FAM118A: variants seen among roughly 807,000 people sequenced by gnomAD.
The protein encoded by FAM118A is SIR2 antiphage like 2.
In FAM118A, 25 loss-of-function variants were observed where a neutral mutation model predicts 38.2. The ratio of observed to expected loss-of-function variants is 0.65; its 90% CI spans 0.48 to 0.91. The LOEUF is 0.91. FAM118A is among the 40% of genes least tolerant of loss of function. FAM118A has a pLI of 0.00. For synonymous variants in FAM118A, 178 were observed against 184.1 expected (o/e 0.97, Z 0.27); for missense variants, 425 against 463.3 (o/e 0.92, Z 0.76).
rs527730762 is a variant in FAM118A at position 45,313,477 on chromosome 22, C to G, written c.-10+3294C>G. On this transcript the variant is annotated intron_variant, in intron 1 of 8. Transcript: ENST00000441876. ...AGCTGGGATTACAGGCGCCTGCCAC[C>G]TTGCCCAGCTACTTTTTGTATTTTT... 1.5e-4 allele frequency among the ~76,000 whole-genome samples: 23 copies of G among 152,172 alleles called. 1 individual carries two copies. The East Asian group carries it at 3.7e-3, about 24-fold the overall frequency.
At position 45,310,149 on chromosome 22, in the gene FAM118A, C is replaced by G. The variant is rs2084297279; in HGVS notation, c.-44C>G. 6.6e-6 allele frequency: 1 copy of G among 151,320 alleles called. No homozygotes were observed. The highest frequency in any genetic ancestry group is 1.5e-5 in the Non-Finnish European group (1 of 67,770). 9.4% of individuals were successfully genotyped at this position (151,320 alleles called of 1,614,324 possible). A position where few individuals can be genotyped will look rare whatever the true frequency, so the allele number is the denominator to read the frequency against. On this transcript the variant is annotated 5_prime_UTR_variant, in exon 1 of 9. Coordinates refer to ENST00000441876, the MANE Select transcript of FAM118A (RefSeq NM_017911.4). ...GGCTGCGGAGGCGAAGAGGTGGCAG[C>G]GCGAGCTGGGACCAGCGTCTCGGAG...
At chr22:45,329,933 G>C (rs1201065626) in intron 4 of FAM118A, 3 of 152,232 alleles carry the variant, frequency 2.0e-5, no homozygotes, top group African/African-American at 7.2e-5. Flanking sequence ...ATCTTTGTAA[G>C]GTCCCGTGTT....
chr22:45,312,206 G>T (rs929268436), intron 1 of FAM118A, among the ~76,000 whole-genome samples: 1 of 152,108 alleles, frequency 6.6e-6, no homozygotes, highest in Non-Finnish European at 1.5e-5. Context: ...ACACCAACTG[G>T]GTATCTTCCA....
At chr22:45,339,194 C>T (rs1410983194) in intron 8 of FAM118A, among the ~76,000 whole-genome samples, 1 of 152,110 alleles carries the variant, frequency 6.6e-6, no homozygotes, top group East Asian at 1.9e-4. Context: ...CACCTGAGGC[C>T]AGGTCAGCCT....
At chr22:45,338,906 A>C (rs975418567) in intron 8 of FAM118A, among the ~76,000 whole-genome samples, 1 of 152,274 alleles carries the variant, frequency 6.6e-6, no homozygotes, top group East Asian at 1.9e-4. Flanking sequence ...GTGAGTGCAA[A>C]TTTAGTCAAG....
rs113718742 is a variant in FAM118A at position 45,328,077 on chromosome 22, G to A, written c.522+14G>A. The A allele has an allele frequency of 2.2e-5, 11 of 489,264 alleles. No individual in the cohort carries two copies. Among genetic ancestry groups the A allele is most frequent in the South Asian group, 6.3e-5 (2 of 31,536 alleles). 30.3% of individuals were successfully genotyped at this position (489,264 alleles called of 1,614,324 possible). Reference sequence around the variant, plus strand: ...GACAAGACCAAGGTATGGGCTGGGGGTGCGGGAGGCCTTTGGCCGGCGGCA... The same window carrying A: ...GACAAGACCAAGGTATGGGCTGGGGATGCGGGAGGCCTTTGGCCGGCGGCA... On this transcript the variant is annotated intron_variant, in intron 4 of 8. Transcript: ENST00000441876.
chr22:45,334,371 C>T (rs749909716), intron 6 of FAM118A, among the ~76,000 whole-genome samples: 1 of 152,206 alleles, frequency 6.6e-6, no homozygotes, highest in Non-Finnish European at 1.5e-5. Context: ...ATGTGACCAG[C>T]TGTGAACTTG....
At chr22:45,319,121 T>C (rs1449034832) in intron 1 of FAM118A, among the ~76,000 whole-genome samples, 1 of 152,240 alleles carries the variant, frequency 6.6e-6, no homozygotes, top group East Asian at 1.9e-4. Context: ...CATAATCACT[T>C]ATATGTGGAG....
intron 3 of FAM118A, 144 bp downstream of exon 3, chr22:45,323,571 TC>T: frequency 9.4e-7 from 1 of 1,062,220 alleles, no homozygotes; most frequent in Non-Finnish European, 1.3e-6. Flanking sequence ...AATCCTTGAG[TC>T]CATCGGGGTG....
chr22:45,315,321 A>G (rs971568752), intron 1 of FAM118A, among the ~76,000 whole-genome samples: 4 of 152,192 alleles, frequency 2.6e-5, no homozygotes, highest in Non-Finnish European at 5.9e-5. Flanking sequence ...GGTTAAGTGG[A>G]GTGCGTTCAA....
In FAM118A at chr22:45,332,555, T is replaced by A; in HGVS notation, c.782T>A (p.Met261Lys). The A allele has an allele frequency of 6.2e-7, 1 of 1,614,208 alleles. No homozygotes were observed. The highest frequency in any genetic ancestry group is 8.5e-7 in the Non-Finnish European group (1 of 1,180,052). Residue 261 changes from methionine to lysine, a missense_variant, in exon 6 of 9, where the codon ATG (methionine) becomes AAG (lysine). By Grantham distance (95) the Met-to-Lys change is moderately conservative. Transcript: ENST00000441876. ...AATAAGGTGGATTTGGAGCACTACA[T>A]GCTTGTGCTGAAGGAGAATGAAGAC... ...VPNKVDLEHYMLVLKENEDHF... is the reference protein window; with the variant it reads ...VPNKVDLEHYKLVLKENEDHF...
Position 45,323,169 on chromosome 22 carries a change from A to C in FAM118A, c.48-6A>C. ...TTCATTCTCTTGCTCCCTTCTTTTC[A>C]AGTAGAAAGTTTTTAAAAAGCCTCA... On this transcript the variant is annotated splice_polypyrimidine_tract_variant and splice_region_variant and intron_variant, in intron 2 of 8. Coordinates refer to ENST00000441876, the MANE Select transcript of FAM118A (RefSeq NM_017911.4). The C allele has an allele frequency of 6.2e-7, 1 of 1,607,308 alleles. No individual in the cohort carries two copies. The highest frequency in any genetic ancestry group is 8.5e-7 in the Non-Finnish European group (1 of 1,174,810).
intron 1 of FAM118A, among the ~76,000 whole-genome samples, chr22:45,313,493 T>C (rs1359700258): frequency 6.6e-6 from 1 of 151,990 alleles, no homozygotes; most frequent in African/African-American, 2.4e-5. Context: ...CAGCTACTTT[T>C]TGTATTTTTA....
At chr22:45,335,479 C>T (rs2086022139) in intron 7 of FAM118A, 97 bp downstream of exon 7, 1 of 1,411,988 alleles carries the variant, frequency 7.1e-7, no homozygotes, top group African/African-American at 1.4e-5. Flanking sequence ...TGTTTTTCAC[C>T]TTAAATAATT....
chr22:45,338,587 C>T (rs1336180950), intron 8 of FAM118A, among the ~76,000 whole-genome samples: 1 of 152,214 alleles, frequency 6.6e-6, no homozygotes, highest in Non-Finnish European at 1.5e-5. Context: ...TCTGCGAGAA[C>T]TCTGGAGACA....
intron 8 of FAM118A, 111 bp downstream of exon 8, chr22:45,336,522 G>T: frequency 1.3e-6 from 1 of 762,050 alleles, no homozygotes; most frequent in Non-Finnish European, 2.2e-6. Flanking sequence ...TGGGAGGACG[G>T]TGCATACGTT....
intron 3 of FAM118A, among the ~76,000 whole-genome samples, chr22:45,324,453 C>T (rs1257256822): frequency 6.6e-6 from 1 of 152,220 alleles, no homozygotes; most frequent in Non-Finnish European, 1.5e-5. Context: ...ACTGAAGTCA[C>T]ATACACCGCT....
rs2086463521 is a variant in FAM118A, at chr22:45,341,754, T to C, written c.*1349T>C. The stretch of plus-strand genomic sequence containing the variant: ...CTTGGTTTCAGTTTGAGGCCACTTA[T>C]CTTCAATGTGACATTTCTTGCCAAG... On this transcript the variant is annotated 3_prime_UTR_variant, in exon 9 of 9. Coordinates refer to ENST00000441876, the MANE Select transcript of FAM118A (RefSeq NM_017911.4). 6.6e-6 allele frequency: 1 copy of C among 152,360 alleles called. No individual in the cohort carries two copies. Among genetic ancestry groups the C allele is most frequent in the Non-Finnish European group, 1.5e-5 (1 of 68,084 alleles). The allele number at this position is 152,360 out of a possible 1,614,324, so 9.4% of individuals were successfully genotyped here.
intron 8 of FAM118A, among the ~76,000 whole-genome samples, chr22:45,338,366 A>G (rs746869735): frequency 6.6e-6 from 1 of 152,008 alleles, no homozygotes; most frequent in African/African-American, 2.4e-5. Flanking sequence ...AGCAGCTGGG[A>G]CTACAGTCGC....
Sources: gnomAD v4.1 joint callset for allele counts (sites outside exome capture counted in the v4.1 genomes callset) on GRCh38, gnomAD v4.1.1 for gene constraint, MANE v1.5 for transcripts, NCBI Gene and HGNC (gene_info 2026-07-23, HGNC 2026-07-21) for gene names.